IQSEC2: variants seen among roughly 807,000 people sequenced by gnomAD.
IQSEC2 encodes IQ motif and SEC7 domain-containing protein 2.
In IQSEC2, 6 loss-of-function variants were observed where a neutral mutation model predicts 74.6. That is an observed-to-expected ratio of 0.08 (90% CI 0.04 to 0.16). The LOEUF (loss-of-function observed/expected upper bound fraction) is 0.16. Among genes scored for constraint, IQSEC2 ranks in the 10% least tolerant of loss-of-function variants. The pLI is 1.00. For synonymous variants in IQSEC2, 494 were observed against 544.5 expected (o/e 0.91, Z 1.29); for missense variants, 734 against 1,306.2 (o/e 0.56, Z 6.75).
chrX:53,234,246 C>T lies in IQSEC2; in HGVS notation c.4440G>A (p.Lys1480=). ...AGACCACGGTGCTGATCCGGCTTGG[C>T]TTGGCCTTGGGGTTTGCACTGGGGG... ...ANPPSANPKA[K]PSRISTVV The change falls in exon 15 of 15, where the codon AAG becomes AAA. Residue 1480 remains lysine (K), a synonymous_variant. Transcript: ENST00000642864. The T allele has an allele frequency of 2.8e-6, 3 of 1,086,908 alleles. No individual in the cohort carries two copies. Among genetic ancestry groups the T allele is most frequent in the Non-Finnish European group, 3.6e-6 (3 of 829,889 alleles). The allele number at this position is 1,086,908 out of a possible 1,213,427, so 89.6% of individuals were successfully genotyped here.
At chrX:53,297,625 C>G (rs2075166733) in intron 1 of IQSEC2, among the ~76,000 whole-genome samples, 1 of 112,023 alleles carries the variant, frequency 8.9e-6, no homozygotes, top group Non-Finnish European at 1.9e-5. Context: ...CCGTGCCCAG[C>G]CTGATTACTG....
At chrX:53,281,570 C>A (rs782443912) in intron 2 of IQSEC2, 62 of 1,136,114 alleles carry the variant, frequency 5.5e-5, no homozygotes, top group Non-Finnish European at 6.8e-5. Context: ...GCCGGTGTCT[C>A]CACCGTGTCA....
rs1476444850 is a variant in IQSEC2 at position 53,278,957 on chromosome X, C to G, written c.737+12938G>C. On this transcript the variant is annotated intron_variant, in intron 2 of 14. Coordinates refer to ENST00000642864, the MANE Select transcript of IQSEC2 (RefSeq NM_001111125.3). ...CTTTGGGAGGCCAAGGCGGGCGGATCACGAGGTCAGGAGTTCGAGACCAGC... is the reference window on the plus strand; with the variant it reads ...CTTTGGGAGGCCAAGGCGGGCGGATGACGAGGTCAGGAGTTCGAGACCAGC... Among the ~76,000 whole-genome samples, 3 of 112,134 alleles carry G rather than the reference C, an allele frequency of 2.7e-5. No individual in the cohort carries two copies. The Admixed American group carries it at 2.8e-4, about 11-fold the overall frequency.
chrX:53,250,689 A>G lies in IQSEC2; in HGVS notation c.1887T>C (p.His629=). The change falls in exon 5 of 15, where the codon CAT becomes CAC. Residue 629 remains histidine, a synonymous_variant. Transcript: ENST00000642864. The part of the protein sequence containing the change: ...LVYEADGCSP[H]GTLKHKGPPG... ...GTGGCCCCTTGTGCTTCAGGGTCCC[A>G]TGGGGGCTGCAGCCATCAGCCTCAT... The G allele has an allele frequency of 8.3e-7, 1 of 1,210,878 alleles. No individual in the cohort carries two copies. Among genetic ancestry groups the G allele is most frequent in the Non-Finnish European group, 1.1e-6 (1 of 895,248 alleles).
chrX:53,239,136 G>T, intron 11 of IQSEC2, 59 bp downstream of exon 11: 1 of 890,800 alleles, frequency 1.1e-6, no homozygotes, highest in Non-Finnish European at 1.7e-6. Context: ...ATAGATGACG[G>T]GTGAGCATGG....
rs2074387808 is a variant in IQSEC2, at chrX:53,251,283, GT to G, written c.1402-110del. On this transcript the variant is annotated intron_variant, in intron 4 of 14. Transcript: ENST00000642864. Reference sequence around the variant, plus strand: ...GGAGGGAGGTAAGGAAAAAGGGGGAGTCTTCCTGGTAGGTCAGCAAGGAGGG... The same window carrying G: ...GGAGGGAGGTAAGGAAAAAGGGGGAGCTTCCTGGTAGGTCAGCAAGGAGGG... The G allele has an allele frequency of 8.5e-6, 7 of 823,501 alleles. No individual in the cohort carries two copies. In the South Asian group the frequency reaches 1.3e-4, roughly 16 times the overall value. The allele number at this position is 823,501 out of a possible 1,213,427, so 67.9% of individuals were successfully genotyped here. A position where few individuals can be genotyped will look rare whatever the true frequency, so the allele number is the denominator to read the frequency against.
At chrX:53,242,031 G>T in intron 9 of IQSEC2, 122 bp from the exon 10 acceptor site, 3 of 859,637 alleles carry the variant, frequency 3.5e-6, no homozygotes, top group East Asian at 3.4e-5. Context: ...TCTGACACAA[G>T]GGGTATCAGC....
chrX:53,253,038 G>T (rs2074415569), intron 4 of IQSEC2, among the ~76,000 whole-genome samples: 1 of 111,983 alleles, frequency 8.9e-6, no homozygotes, highest in African/African-American at 3.2e-5. Flanking sequence ...GAATGATATA[G>T]ATCTTCCCTT....
intron 2 of IQSEC2, among the ~76,000 whole-genome samples, chrX:53,291,519 C>T (rs905184039): frequency 6.3e-5 from 7 of 110,877 alleles, no homozygotes; most frequent in Non-Finnish European, 1.1e-4. Flanking sequence ...GGAAAGTGAA[C>T]GCTAGACCAG....
intron 13 of IQSEC2, 49 bp from the exon 14 acceptor site, chrX:53,235,881 T>G: frequency 3.7e-6 from 4 of 1,079,972 alleles, no homozygotes; most frequent in African/African-American, 1.8e-5. Flanking sequence ...ACCCCCCCCC[T>G]ACCCTGCTGG....
At chrX:53,251,420 C>G (rs1449621960) in intron 4 of IQSEC2, among the ~76,000 whole-genome samples, 1 of 110,725 alleles carries the variant, frequency 9.0e-6, no homozygotes, top group East Asian at 2.9e-4. Flanking sequence ...GTTCCCCACT[C>G]AGCTCACACC....
chrX:53,298,771 T>C (rs781962762), intron 1 of IQSEC2, among the ~76,000 whole-genome samples: 2 of 111,974 alleles, frequency 1.8e-5, no homozygotes, highest in Non-Finnish European at 3.8e-5. Context: ...TTCTCTTCTG[T>C]TGTCCCTTTG....
At chrX:53,289,733 C>T (rs2075076253) in intron 2 of IQSEC2, among the ~76,000 whole-genome samples, 1 of 111,611 alleles carries the variant, frequency 9.0e-6, no homozygotes, top group Non-Finnish European at 1.9e-5. Context: ...GTTTGACCCT[C>T]GCTTCCCAGA....
chrX:53,255,889 C>T lies in IQSEC2; in HGVS notation c.910G>A (p.Ala304Thr), dbSNP rs782768117. 2 of 1,209,484 alleles carry T rather than the reference C, an allele frequency of 1.7e-6. No homozygotes were observed. Among genetic ancestry groups the T allele is most frequent in the South Asian group, 1.8e-5 (1 of 56,554 alleles). Residue 304 changes from alanine (A) to threonine (T), a missense_variant, in exon 3 of 15, where the codon GCC (alanine) becomes ACC (threonine). By Grantham distance (58) the Ala-to-Thr change is moderately conservative (BLOSUM62 0). Coordinates refer to ENST00000642864, the MANE Select transcript of IQSEC2 (RefSeq NM_001111125.3). ...TCCTCCTCCTCCTGCTTCCTCAGGG[C>T]GACACTGGCTGGCTGGAGGCGTGCC... ...QRARLQPASV[A>T]LRKQEEEEIK...
rs1186640859 is a variant in IQSEC2, at chrX:53,263,783, C to G, written c.738-7722G>C. ...TCCCTCCCCTGTGTCTTATGCATAC[C>G]CATATTATCACAGTCAGTCTTTCTT... On this transcript the variant is annotated intron_variant, in intron 2 of 14. Coordinates refer to ENST00000642864, the MANE Select transcript of IQSEC2 (RefSeq NM_001111125.3). Among the ~76,000 whole-genome samples, 4 of 111,585 alleles carry G rather than the reference C, an allele frequency of 3.6e-5. No individual in the cohort carries two copies. The Admixed American group carries it at 3.8e-4, about 11-fold the overall frequency.
At chrX:53,275,725 A>G (rs868916472) in intron 2 of IQSEC2, among the ~76,000 whole-genome samples, 1 of 85,186 alleles carries the variant, frequency 1.2e-5, no homozygotes, top group East Asian at 4.6e-4. Context: ...AGTTGCCCTC[A>G]TTCTTTTTTT....
intron 2 of IQSEC2, among the ~76,000 whole-genome samples, chrX:53,281,135 T>C (rs974540515): frequency 8.9e-6 from 1 of 112,661 alleles, no homozygotes; most frequent in Non-Finnish European, 1.9e-5. Flanking sequence ...CTTTTGAATC[T>C]GAGACTCAGA....
At chrX:53,278,212 G>C (rs2074876209) in intron 2 of IQSEC2, among the ~76,000 whole-genome samples, 1 of 107,306 alleles carries the variant, frequency 9.3e-6, no homozygotes, top group Non-Finnish European at 1.9e-5. Flanking sequence ...GGGTTTCACT[G>C]TGTTAGCCAG....
At chrX:53,235,381 C>A (rs2074111611) in intron 14 of IQSEC2, among the ~76,000 whole-genome samples, 197 bp from the exon 15 acceptor site, 1 of 111,731 alleles carries the variant, frequency 9.0e-6, no homozygotes, top group African/African-American at 3.3e-5. Flanking sequence ...ACTATCTCAG[C>A]TGAGCCTCAG....
Sources: allele counts gnomAD v4.1 joint callset (sites outside exome capture counted in the v4.1 genomes callset), GRCh38; gene constraint gnomAD v4.1.1; transcripts MANE v1.5; gene names NCBI Gene and HGNC (gene_info 2026-07-23, HGNC 2026-07-21).